Variants in SERAC1 observed in about 807,000 individuals in gnomAD.
The protein encoded by SERAC1 is serine active site containing 1, also known as protein SERAC1.
A neutral mutation model predicts 85.7 loss-of-function variants in SERAC1; 36 were observed. That is an observed-to-expected ratio of 0.42 (90% CI 0.32 to 0.55). SERAC1 has a LOEUF of 0.55. SERAC1 is among the 20% of genes least tolerant of loss of function. SERAC1 has a pLI of 0.11. For missense variants in SERAC1, 629 were observed against 796.2 expected (o/e 0.79, Z 2.53); for synonymous variants, 242 against 265.3 (o/e 0.91, Z 0.85).
chr6:158,116,133 G>A, intron 14 of SERAC1, 52 bp downstream of exon 14: 2 of 1,456,244 alleles, frequency 1.4e-6, no homozygotes, highest in Non-Finnish European at 1.9e-6. Flanking sequence ...TGGCCACAGT[G>A]GCTGAAAATA....
chr6:158,123,355 G>A (rs1177566538), intron 10 of SERAC1, among the ~76,000 whole-genome samples: 17 of 152,172 alleles, frequency 1.1e-4, no homozygotes, highest in Admixed American at 1.1e-3. Context: ...AACATGGCTG[G>A]AGGGCTTATA....
intron 5 of SERAC1, among the ~76,000 whole-genome samples, chr6:158,147,167 C>T (rs1273284422): frequency 6.6e-6 from 1 of 151,802 alleles, no homozygotes; most frequent in African/African-American, 2.4e-5. Context: ...TTGAGACAGT[C>T]TCGCTCTGTT....
chr6:158,130,080 G>T (rs549386623), intron 9 of SERAC1, among the ~76,000 whole-genome samples: 1 of 152,314 alleles, frequency 6.6e-6, no homozygotes, highest in South Asian at 2.1e-4. Flanking sequence ...ATCTGAGAAA[G>T]GCAGTAGAAG....
At chr6:158,153,017 C>T (rs1328066421) in intron 3 of SERAC1, among the ~76,000 whole-genome samples, 1 of 152,136 alleles carries the variant, frequency 6.6e-6, no homozygotes, top group Non-Finnish European at 1.5e-5. Context: ...CATATCCAGG[C>T]AAGAAACAGA....
At chr6:158,145,105 G>C (rs995794593) in intron 6 of SERAC1, among the ~76,000 whole-genome samples, 4 of 152,108 alleles carry the variant, frequency 2.6e-5, no homozygotes, top group Non-Finnish European at 2.9e-5. Context: ...TTAGCCAGGC[G>C]TGGTGGCAGG....
intron 10 of SERAC1, among the ~76,000 whole-genome samples, chr6:158,127,173 C>G (rs944511800): frequency 3.3e-5 from 5 of 152,104 alleles, no homozygotes; most frequent in Non-Finnish European, 7.4e-5. Flanking sequence ...CAATTCCTTG[C>G]CTCTACCAAA....
chr6:158,114,243 A>C (rs549500593), intron 15 of SERAC1, among the ~76,000 whole-genome samples: 5 of 152,240 alleles, frequency 3.3e-5, no homozygotes, highest in African/African-American at 1.2e-4. Context: ...CCACGAAAGG[A>C]AAGTCCAACA....
At chr6:158,163,504 T>C (rs74788787) in intron 1 of SERAC1, among the ~76,000 whole-genome samples, 53 of 152,274 alleles carry the variant, frequency 3.5e-4, no homozygotes, top group African/African-American at 1.3e-3. Context: ...CAACTGACTA[T>C]ATCTGCGGCA....
intron 10 of SERAC1, among the ~76,000 whole-genome samples, chr6:158,124,438 C>T (rs1784489431): frequency 6.6e-6 from 1 of 152,052 alleles, no homozygotes; most frequent in Admixed American, 6.6e-5. Flanking sequence ...TGATCAAAAA[C>T]ACCAACCCAT....
chr6:158,116,124 G>T, intron 14 of SERAC1, 61 bp downstream of exon 14: 2 of 1,324,076 alleles, frequency 1.5e-6, no homozygotes, highest in Non-Finnish European at 1.1e-6. Context: ...ACTTTAGGTT[G>T]GCCACAGTGG....
intron 8 of SERAC1, among the ~76,000 whole-genome samples, chr6:158,134,830 C>G (rs545553209): frequency 3.5e-4 from 53 of 152,138 alleles, no homozygotes; most frequent in African/African-American, 1.2e-3. Context: ...CAAAGTATCT[C>G]CTCCTCCTAA....
rs367781123 is a variant in SERAC1, at chr6:158,120,428, G to A, written c.1163C>T (p.Thr388Ile). ...GVYVLHPQYR[T>I]SQPIKADVLF... ...CAACTCTCTTCTGCTTCCTTACCTT[G>A]TTCGATATTGGGGATGCAGCACATA... The change falls in exon 11 of 17, where the codon ACA (threonine) becomes ATA (isoleucine). Residue 388 changes from threonine (T) to isoleucine (I), a missense_variant. Thr to Ile is a moderately conservative substitution (Grantham distance 89). Transcript: ENST00000647468. The surrounding 1 kb of genome is among the most constrained non-coding windows in gnomAD (Gnocchi z 4.4). 3.7e-6 allele frequency: 6 copies of A among 1,610,940 alleles called. No individual in the cohort carries two copies. The highest frequency in any genetic ancestry group is 5.1e-6 in the Non-Finnish European group (6 of 1,178,438).
intron 1 of SERAC1, among the ~76,000 whole-genome samples, chr6:158,164,343 C>T (rs1404119346): frequency 2.0e-5 from 3 of 151,836 alleles, no homozygotes; most frequent in Admixed American, 6.6e-5. Context: ...GGTGTGGTGG[C>T]GGGCACCTGT....
At chr6:158,166,259 T>A (rs190082551) in intron 1 of SERAC1, 1 of 152,318 alleles carries the variant, frequency 6.6e-6, no homozygotes, top group Non-Finnish European at 1.5e-5. Flanking sequence ...TTGAATAGTC[T>A]ATGCTTTCCC....
Position 158,146,830 on chromosome 6 carries a change from T to C in SERAC1, c.439A>G (p.Thr147Ala). The change falls in exon 6 of 17, where the codon ACG (threonine) becomes GCG (alanine). Residue 147 changes from threonine to alanine, a missense_variant. Physicochemically the swap from Thr to Ala is moderately conservative, Grantham distance 58 (BLOSUM62 0). Transcript: ENST00000647468. ...ATTTCCCGCACAGCCTCGAGTCGCG[T>C]GGTTTTGTCATCTGACTTGCTCTTC... ...LRKSKSDDKT[T>A]RLEAVREMSE... The C allele has an allele frequency of 6.2e-7, 1 of 1,611,832 alleles. No individual in the cohort carries two copies. The highest frequency in any genetic ancestry group is 8.5e-7 in the Non-Finnish European group (1 of 1,178,718).
chr6:158,111,377 G>A lies in SERAC1; in HGVS notation c.1954C>T (p.Leu652Phe). ...GAAGAGCACAACTGTTAGTTTTCAA[G>A]GTCTTTGGCTAAAGCTTCACGAATG... ...QFIREALAKD[L>F]EN Residue 652 changes from leucine to phenylalanine, a missense_variant, in exon 17 of 17, where the codon CTT (leucine) becomes TTT (phenylalanine). Physicochemically the swap from Leu to Phe is conservative, Grantham distance 22 (BLOSUM62 0). Coordinates refer to ENST00000647468, the MANE Select transcript of SERAC1 (RefSeq NM_032861.4). The A allele has an allele frequency of 6.3e-7, 1 of 1,585,860 alleles. No individual in the cohort carries two copies. Among genetic ancestry groups the A allele is most frequent in the South Asian group, 1.2e-5 (1 of 85,554 alleles).
At chr6:158,115,672 G>C (rs1333621987) in intron 14 of SERAC1, among the ~76,000 whole-genome samples, 1 of 152,132 alleles carries the variant, frequency 6.6e-6, no homozygotes, top group Non-Finnish European at 1.5e-5. Context: ...ACACAGGGGA[G>C]GCCATTCCAT....
In SERAC1 at chr6:158,150,556, G is replaced by T. The variant is rs1170800194; in HGVS notation, c.162C>A (p.Ala54=). ...TATCTAATGTCACAGCCTTCTTCAG[G>T]GCCAGAACTTCATATGTAAGAAATA... ...GSLFLTYEVL[A]LKKAVTLDTQ... is the part of the protein sequence containing the mutation. The change falls in exon 4 of 17, where the codon GCC becomes GCA. Residue 54 remains alanine (A), a synonymous_variant. Coordinates refer to ENST00000647468, the MANE Select transcript of SERAC1 (RefSeq NM_032861.4). The T allele has an allele frequency of 1.7e-5, 28 of 1,600,458 alleles. No homozygotes were observed. The highest frequency in any genetic ancestry group is 2.4e-5 in the Non-Finnish European group (28 of 1,169,876).
At chr6:158,140,503 T>C (rs935209915) in intron 8 of SERAC1, among the ~76,000 whole-genome samples, 3 of 152,220 alleles carry the variant, frequency 2.0e-5, no homozygotes, top group Admixed American at 6.5e-5. Context: ...CCTACGCATG[T>C]CTTCCATCTG....
Sources: allele counts gnomAD v4.1 joint callset (sites outside exome capture counted in the v4.1 genomes callset), GRCh38; gene constraint gnomAD v4.1.1; non-coding constraint Gnocchi (gnomAD v3.1); transcripts MANE v1.5; gene names NCBI Gene and HGNC (gene_info 2026-07-23, HGNC 2026-07-21).